Variants in ELOVL6 observed in about 807,000 individuals in gnomAD.
ELOVL6 encodes the protein ELOVL fatty acid elongase 6.
In ELOVL6, 8 loss-of-function variants were observed where a neutral mutation model predicts 31.7. The ratio of observed to expected loss-of-function variants is 0.25; its 90% CI spans 0.15 to 0.45. ELOVL6 has a LOEUF of 0.45. Ranked by LOEUF, ELOVL6 falls within the 20% of genes least tolerant of loss-of-function variation. The pLI is 1.00. For synonymous variants in ELOVL6, 101 were observed against 117.7 expected (o/e 0.86, Z 0.92); for missense variants, 126 against 326.4 (o/e 0.39, Z 4.73).
At chr4:110,167,389 C>A (rs61093218) in intron 1 of ELOVL6, among the ~76,000 whole-genome samples, 4,860 of 152,182 alleles carry the variant, frequency 0.032, 219 homozygotes, top group Admixed American at 0.11. Context: ...CATGCTGTTT[C>A]ATAAGCAGAG....
intron 1 of ELOVL6, among the ~76,000 whole-genome samples, chr4:110,170,352 T>A (rs1276152699): frequency 6.6e-6 from 1 of 152,244 alleles, no homozygotes; most frequent in African/African-American, 2.4e-5. Context: ...TAGAACAGAA[T>A]ACAGCTGATC....
chr4:110,070,216 C>T (rs1240708897), intron 2 of ELOVL6, among the ~76,000 whole-genome samples: 2 of 152,172 alleles, frequency 1.3e-5, no homozygotes, highest in East Asian at 1.9e-4. Context: ...ATGGAAAGAA[C>T]AGTGTGCTGG....
At chr4:110,142,390 G>A (rs1000654378) in intron 1 of ELOVL6, among the ~76,000 whole-genome samples, 1 of 152,062 alleles carries the variant, frequency 6.6e-6, no homozygotes, top group African/African-American at 2.4e-5. Context: ...AAGGAAATTT[G>A]CCTTACCTAT....
chr4:110,095,288 C>G lies in ELOVL6; in HGVS notation c.221+10209G>C, dbSNP rs1756548565. Among the ~76,000 whole-genome samples the G allele has an allele frequency of 2.6e-5, 4 of 152,030 alleles. No homozygotes were observed. The South Asian group carries it at 8.3e-4, about 32-fold the overall frequency. ...CCTGAGGTCAGCAGTTCGAGACCAGCCTGGCCAACATGGCAAAACCCCATC... is the reference window on the plus strand; with the variant it reads ...CCTGAGGTCAGCAGTTCGAGACCAGGCTGGCCAACATGGCAAAACCCCATC... On this transcript the variant is annotated intron_variant, in intron 2 of 3. Transcript: ENST00000302274.
chr4:110,063,720 A>T (rs988970901), intron 2 of ELOVL6, among the ~76,000 whole-genome samples: 3 of 151,582 alleles, frequency 2.0e-5, no homozygotes, highest in African/African-American at 7.3e-5. Flanking sequence ...ACTACGTCAC[A>T]TGCCTTTTCC....
chr4:110,167,411 A>G (rs901595834), intron 1 of ELOVL6, among the ~76,000 whole-genome samples: 1 of 152,182 alleles, frequency 6.6e-6, no homozygotes, highest in African/African-American at 2.4e-5. Flanking sequence ...TTTCTGCAAC[A>G]TGTGGTATAC....
intron 1 of ELOVL6, among the ~76,000 whole-genome samples, chr4:110,153,122 T>C (rs182198401): frequency 8.5e-5 from 13 of 152,250 alleles, no homozygotes; most frequent in Non-Finnish European, 1.9e-4. Flanking sequence ...AGCTTGTAAG[T>C]AGGAAACCAG....
chr4:110,059,780 C>T (rs1216928782), intron 2 of ELOVL6, 26 bp from the exon 3 acceptor site: 7 of 1,590,636 alleles, frequency 4.4e-6, no homozygotes, highest in Non-Finnish European at 6.0e-6. Flanking sequence ...AGAAAAGAAA[C>T]AGCATTTAGG....
chr4:110,196,102 G>A (rs1039035450), intron 1 of ELOVL6, among the ~76,000 whole-genome samples: 2 of 152,152 alleles, frequency 1.3e-5, no homozygotes, highest in African/African-American at 4.8e-5. Context: ...AGCAGGCCTA[G>A]GAAGTGGCCT....
At chr4:110,141,636 A>ATATTG (rs935123641) in intron 1 of ELOVL6, among the ~76,000 whole-genome samples, 3 of 150,516 alleles carry the variant, frequency 2.0e-5, no homozygotes, top group East Asian at 2.0e-4. Context: ...TACAGCATTA[A>ATATTG]TATTGTATTG....
At chr4:110,142,682 CACTT>C (rs1231930117) in intron 1 of ELOVL6, among the ~76,000 whole-genome samples, 17 of 152,310 alleles carry the variant, frequency 1.1e-4, no homozygotes, top group Admixed American at 2.0e-4. Context: ...GCCATTTCCT[CACTT>C]ACACTGAACA....
intron 2 of ELOVL6, among the ~76,000 whole-genome samples, chr4:110,079,628 A>G (rs955887533): frequency 2.6e-5 from 4 of 152,246 alleles, no homozygotes; most frequent in African/African-American, 7.2e-5. Flanking sequence ...AATGCCCACA[A>G]GAGAAAGCAG....
At chr4:110,102,858 G>A (rs1403934910) in intron 2 of ELOVL6, among the ~76,000 whole-genome samples, 5 of 145,696 alleles carry the variant, frequency 3.4e-5, no homozygotes, top group African/African-American at 1.3e-4. Context: ...GGTTCAGCTG[G>A]GTCCCCACCA....
chr4:110,084,408 GAC>G (rs1756128395), intron 2 of ELOVL6, among the ~76,000 whole-genome samples: 1 of 27,402 alleles, frequency 3.6e-5, no homozygotes, highest in Admixed American at 3.6e-4. Context: ...TATGATATAT[GAC>G]ATACATGATA....
chr4:110,174,132 T>C (rs545978042), intron 1 of ELOVL6, among the ~76,000 whole-genome samples: 1 of 151,806 alleles, frequency 6.6e-6, no homozygotes, highest in Non-Finnish European at 1.5e-5. Flanking sequence ...AAGAAAAAGA[T>C]TTTAAAATAT....
At chr4:110,148,129 A>AAAG (rs946558209) in intron 1 of ELOVL6, among the ~76,000 whole-genome samples, 3 of 150,850 alleles carry the variant, frequency 2.0e-5, no homozygotes, top group African/African-American at 7.4e-5. Flanking sequence ...AAAAAAAAAA[A>AAAG]GCCAAATAAT....
At chr4:110,156,666 A>G (rs1488243002) in intron 1 of ELOVL6, among the ~76,000 whole-genome samples, 1 of 152,164 alleles carries the variant, frequency 6.6e-6, no homozygotes, top group Non-Finnish European at 1.5e-5. Flanking sequence ...AGCCTGGGCA[A>G]CAGAGCGAGA....
chr4:110,083,981 C>CATATATATGATATATAACATATGCT, intron 2 of ELOVL6, among the ~76,000 whole-genome samples: 1 of 8,734 alleles, frequency 1.1e-4, no homozygotes, highest in African/African-American at 2.4e-4. Context: ...TAACATATGC[C>CATATATATGATATATAACATATGCT]ATATACGATA....
At chr4:110,111,810 T>C (rs1757043036) in intron 1 of ELOVL6, among the ~76,000 whole-genome samples, 1 of 152,074 alleles carries the variant, frequency 6.6e-6, no homozygotes, top group South Asian at 2.1e-4. Flanking sequence ...TGCTGTGGGT[T>C]GGGTATGGTA....
Sources: allele counts gnomAD v4.1 joint callset (sites outside exome capture counted in the v4.1 genomes callset), GRCh38; gene constraint gnomAD v4.1.1; transcripts MANE v1.5; gene names NCBI Gene and HGNC (gene_info 2026-07-23, HGNC 2026-07-21).